PTPRD: variants seen among roughly 807,000 people sequenced by gnomAD.
The protein encoded by PTPRD is receptor-type tyrosine-protein phosphatase delta.
Under a neutral mutation model 214.5 loss-of-function variants are expected in PTPRD, and 34 were observed. That is an observed-to-expected ratio of 0.16 (90% CI 0.12 to 0.21). The LOEUF is 0.21. PTPRD is among the 10% of genes least tolerant of loss of function. PTPRD has a pLI of 1.00. For synonymous variants in PTPRD, 1,128 were observed against 845.7 expected, an observed-to-expected ratio of 1.33 and a Z score of -5.79; for missense variants, 2,545 against 2,398.7, an observed-to-expected ratio of 1.06 and a Z score of -1.27.
At chr9:9,718,875 A>G (rs912124440) in intron 7 of PTPRD, among the ~76,000 whole-genome samples, 1 of 152,124 alleles carries the variant, frequency 6.6e-6, no homozygotes, top group Admixed American at 6.5e-5. Context: ...ACCCTCGGCA[A>G]AGACAGCCTG....
chr9:8,744,687 T>C (rs924796231), intron 11 of PTPRD, among the ~76,000 whole-genome samples: 7 of 152,188 alleles, frequency 4.6e-5, no homozygotes, highest in African/African-American at 1.7e-4. Context: ...GATTACACAT[T>C]GGGTGCAGTG....
At chr9:8,494,187 T>C (rs2097209571) in intron 26 of PTPRD, among the ~76,000 whole-genome samples, 1 of 152,046 alleles carries the variant, frequency 6.6e-6, no homozygotes. Flanking sequence ...TGAAATACAG[T>C]AGGTTTTTTT....
rs535384042 is a variant in PTPRD at position 9,071,831 on chromosome 9, G to A, written c.-142-53096C>T. Among the ~76,000 whole-genome samples, 8 of 152,228 alleles carry A rather than the reference G, an allele frequency of 5.3e-5. No individual in the cohort carries two copies. The South Asian group carries it at 1.7e-3, about 32-fold the overall frequency. On this transcript the variant is annotated intron_variant, in intron 10 of 45. Transcript: ENST00000381196. ...TGTTATTTTAAGCTGCTAATTTTGT[G>A]GTAATTTGTTACTCTAATATAGAAA...
chr9:9,641,967 T>A (rs1349966805), intron 7 of PTPRD, among the ~76,000 whole-genome samples: 1 of 151,858 alleles, frequency 6.6e-6, no homozygotes, highest in African/African-American at 2.4e-5. Context: ...CATGCACACG[T>A]ATGTTTATTG....
At chr9:10,481,639 C>G (rs7870466) in intron 2 of PTPRD, among the ~76,000 whole-genome samples, 1 of 151,856 alleles carries the variant, frequency 6.6e-6, no homozygotes, top group Admixed American at 6.6e-5. Flanking sequence ...TTAAAGAAGT[C>G]ATGACAGCCA....
intron 39 of PTPRD, among the ~76,000 whole-genome samples, chr9:8,353,891 T>G (rs2076252634): frequency 7.0e-6 from 1 of 143,872 alleles, no homozygotes; most frequent in African/African-American, 2.6e-5. Flanking sequence ...TGTGTATATA[T>G]GTATATATGT....
intron 12 of PTPRD, among the ~76,000 whole-genome samples, chr9:8,647,690 G>C (rs2096724687): frequency 2.0e-5 from 3 of 152,072 alleles, no homozygotes. Context: ...TAAGGCTTTT[G>C]ATATATTTAA....
intron 2 of PTPRD, among the ~76,000 whole-genome samples, chr9:10,498,434 T>C (rs556566890): frequency 1.3e-5 from 2 of 152,100 alleles, no homozygotes; most frequent in African/African-American, 2.4e-5. Flanking sequence ...TATCCTATCA[T>C]TTGCTTCATG....
chr9:10,291,739 G>A (rs778591510), intron 3 of PTPRD, among the ~76,000 whole-genome samples: 3 of 152,018 alleles, frequency 2.0e-5, no homozygotes, highest in Non-Finnish European at 2.9e-5. Flanking sequence ...CAGACTTCTG[G>A]ACTCCAGGAC....
At chr9:8,533,701 TGTAA>T (rs2076259910) in intron 14 of PTPRD, among the ~76,000 whole-genome samples, 1 of 152,030 alleles carries the variant, frequency 6.6e-6, no homozygotes, top group Non-Finnish European at 1.5e-5. Flanking sequence ...ATAGTTAGTA[TGTAA>T]GTGTGAACTC....
chr9:8,795,568 G>A (rs1478396858), intron 11 of PTPRD, among the ~76,000 whole-genome samples: 1 of 152,184 alleles, frequency 6.6e-6, no homozygotes, highest in African/African-American at 2.4e-5. Flanking sequence ...CACAGTCACT[G>A]GACTGATAGA....
In PTPRD at chr9:9,632,731, G is replaced by C. The variant is rs186091537; in HGVS notation, c.-286-57950C>G. Among the ~76,000 whole-genome samples, 14 of 152,188 alleles carry C rather than the reference G, an allele frequency of 9.2e-5. No homozygotes were observed. In the East Asian group the frequency reaches 2.7e-3, roughly 29 times the overall value. ...AGAATTTTACCAGGTGGTTCAACAGGATGCCTGACAAACTATAAAATAAAT... is the reference window on the plus strand; with the variant it reads ...AGAATTTTACCAGGTGGTTCAACAGCATGCCTGACAAACTATAAAATAAAT... On this transcript the variant is annotated intron_variant, in intron 7 of 45. Transcript: ENST00000381196.
chr9:10,190,386 GAAAAAAAAAAAAAAAAAAAA>G (rs66511711), intron 3 of PTPRD, among the ~76,000 whole-genome samples: 1 of 50,156 alleles, frequency 2.0e-5, no homozygotes, highest in Non-Finnish European at 3.7e-5. Flanking sequence ...TCTATCTCCA[GAAAAAAAAAAAAAAAAAAAA>G]AAAAAAAAAA....
At chr9:8,969,137 C>T (rs115273834) in intron 11 of PTPRD, among the ~76,000 whole-genome samples, 2,405 of 152,134 alleles carry the variant, frequency 0.016, 61 homozygotes, top group African/African-American at 0.055. Flanking sequence ...TGAAATGATG[C>T]CCAAATTCAT....
At chr9:8,757,436 G>C (rs1038133252) in intron 11 of PTPRD, among the ~76,000 whole-genome samples, 1 of 151,826 alleles carries the variant, frequency 6.6e-6, no homozygotes, top group Non-Finnish European at 1.5e-5. Context: ...TAATAAATCG[G>C]CTATTTTACA....
chr9:9,761,540 A>G (rs971914302), intron 6 of PTPRD, among the ~76,000 whole-genome samples: 2 of 152,176 alleles, frequency 1.3e-5, no homozygotes, highest in East Asian at 3.8e-4. Flanking sequence ...GAAGACAAAC[A>G]TGATTACAAT....
intron 7 of PTPRD, among the ~76,000 whole-genome samples, chr9:9,696,740 G>A (rs1256365638): frequency 6.6e-6 from 1 of 151,956 alleles, no homozygotes; most frequent in African/African-American, 2.4e-5. Context: ...GTTGTGCCTT[G>A]TTTCTTTATT....
At chr9:9,060,667 GAA>G (rs910609612) in intron 10 of PTPRD, among the ~76,000 whole-genome samples, 34 of 151,332 alleles carry the variant, frequency 2.2e-4, no homozygotes, top group Non-Finnish European at 3.2e-4. Context: ...CAATCCAATA[GAA>G]AAAAAAGAGC....
chr9:9,322,036 T>G (rs1002622216), intron 9 of PTPRD, among the ~76,000 whole-genome samples: 1 of 152,172 alleles, frequency 6.6e-6, no homozygotes, highest in Non-Finnish European at 1.5e-5. Context: ...AGCAAATCAC[T>G]AGAAGTTCTG....
Sources: gnomAD v4.1 joint callset for allele counts (sites outside exome capture counted in the v4.1 genomes callset) on GRCh38, gnomAD v4.1.1 for gene constraint, MANE v1.5 for transcripts, NCBI Gene and HGNC (gene_info 2026-07-23, HGNC 2026-07-21) for gene names.